PDK1: variants seen among roughly 807,000 people sequenced by gnomAD.
PDK1 encodes pyruvate dehydrogenase kinase 1.
PDK1 carries 39 observed loss-of-function variants against 54.2 expected under a neutral mutation model. The ratio of observed to expected loss-of-function variants is 0.72; its 90% CI spans 0.56 to 0.94. PDK1 has a LOEUF of 0.94. Ranked by LOEUF, PDK1 falls within the 40% of genes least tolerant of loss-of-function variation. The probability of loss-of-function intolerance (pLI) is 0.00; values close to 1 mark genes in which losing one functional copy is unlikely to be tolerated. For synonymous variants in PDK1, 221 were observed against 207.1 expected, an observed-to-expected ratio of 1.07 and a Z score of -0.58; for missense variants, 552 against 566.0, an observed-to-expected ratio of 0.98 and a Z score of 0.25.
the PDK1 span, among the ~76,000 whole-genome samples, chr2:172,692,973 A>C: frequency 6.6e-6 from 1 of 152,230 alleles, no homozygotes; most frequent in Non-Finnish European, 1.5e-5. Flanking sequence ...AAAAGCATCC[A>C]CAGTAATCAC....
chr2:172,663,967 G>T, the PDK1 span, among the ~76,000 whole-genome samples: 3 of 28,136 alleles, frequency 1.1e-4, no homozygotes, highest in African/African-American at 3.2e-4. Context: ...ACCATATGTG[G>T]CTTTTTTTTT....
chr2:172,581,903 C>CT (rs896998104), intron 8 of PDK1, among the ~76,000 whole-genome samples: 7 of 151,802 alleles, frequency 4.6e-5, no homozygotes, highest in South Asian at 2.1e-4. Context: ...AGCCACATGT[C>CT]TTTTTTTTGT....
upstream of PDK1, chr2:172,555,981 C>A: frequency 2.3e-6 from 1 of 439,446 alleles, no homozygotes; most frequent in Non-Finnish European, 3.8e-6. Flanking sequence ...CCTTCCCGCT[C>A]CGCGTCCCGC....
chr2:172,589,695 C>G (rs1160985531), intron 9 of PDK1, among the ~76,000 whole-genome samples: 1 of 152,162 alleles, frequency 6.6e-6, no homozygotes, highest in Non-Finnish European at 1.5e-5. Flanking sequence ...TTAGGTAAAG[C>G]TGGAGCCTGG....
chr2:172,665,462 T>G, the PDK1 span, among the ~76,000 whole-genome samples: 1 of 152,214 alleles, frequency 6.6e-6, no homozygotes, highest in Non-Finnish European at 1.5e-5. Flanking sequence ...ATAATTATTT[T>G]GAAGTTTGGA....
the PDK1 span, among the ~76,000 whole-genome samples, chr2:172,680,160 T>G: frequency 5.9e-5 from 9 of 152,174 alleles, no homozygotes; most frequent in African/African-American, 2.2e-4. Flanking sequence ...GCATGCTCTG[T>G]CACAGTCTTT....
the PDK1 span, among the ~76,000 whole-genome samples, chr2:172,706,012 T>TC: frequency 3.3e-5 from 5 of 152,134 alleles, no homozygotes; most frequent in Non-Finnish European, 7.4e-5. Flanking sequence ...TTACCCAGTT[T>TC]CCCCCAGTGG....
chr2:172,688,830 C>A, the PDK1 span, among the ~76,000 whole-genome samples: 2 of 152,138 alleles, frequency 1.3e-5, no homozygotes, highest in Non-Finnish European at 2.9e-5. Flanking sequence ...CAGAGGCTGT[C>A]AGTCAACTAT....
intron 2 of PDK1, among the ~76,000 whole-genome samples, chr2:172,561,445 C>G (rs1688650407): frequency 6.6e-6 from 1 of 152,184 alleles, no homozygotes; most frequent in Non-Finnish European, 1.5e-5. Context: ...CTCCTAGATG[C>G]CTGCTAAGTT....
rs554006259 is a variant in PDK1, at chr2:172,593,916, TG to T, written c.1170+869del. On this transcript the variant is annotated intron_variant, in intron 10 of 10. Transcript: ENST00000282077. Reference sequence around the variant, plus strand: ...TAGATGGCATCTATTTTATAGGAAATGTTGAAGAATTTATATTGGAAAAAAT... The same window carrying T: ...TAGATGGCATCTATTTTATAGGAAATTTGAAGAATTTATATTGGAAAAAAT... Among the ~76,000 whole-genome samples, 1,107 of 152,274 alleles carry T rather than the reference TG, an allele frequency of 7.3e-3. 8 individuals are homozygous for T. Among genetic ancestry groups the T allele is most frequent in the Non-Finnish European group, 0.012 (810 of 68,022 alleles).
intron 8 of PDK1, among the ~76,000 whole-genome samples, chr2:172,571,978 C>G (rs1419594614): frequency 6.6e-6 from 1 of 151,452 alleles, no homozygotes; most frequent in Non-Finnish European, 1.5e-5. Context: ...ATAACAGGCA[C>G]CCGCCACCAC....
the PDK1 span, among the ~76,000 whole-genome samples, chr2:172,630,375 A>G: frequency 1.3e-5 from 2 of 152,194 alleles, no homozygotes; most frequent in Non-Finnish European, 2.9e-5. Context: ...ACAGATGGCT[A>G]TTTAAATTTA....
chr2:172,564,101 C>T, intron 3 of PDK1: 1 of 473,262 alleles, frequency 2.1e-6, no homozygotes, highest in South Asian at 1.5e-5. Flanking sequence ...ATCTTGATTC[C>T]TTGCAGAGCA....
chr2:172,707,121 A>T, the PDK1 span, among the ~76,000 whole-genome samples: 1 of 152,042 alleles, frequency 6.6e-6, no homozygotes, highest in Non-Finnish European at 1.5e-5. Flanking sequence ...ACCAGCAGGG[A>T]AGGGTAGGGA....
the PDK1 span, among the ~76,000 whole-genome samples, chr2:172,621,705 A>G: frequency 1.4e-5 from 2 of 145,926 alleles, no homozygotes; most frequent in African/African-American, 2.5e-5. Flanking sequence ...ATATGTTTAT[A>G]TATCAAACAT....
the PDK1 span, among the ~76,000 whole-genome samples, chr2:172,622,282 CAT>C: frequency 0.063 from 4,969 of 79,488 alleles, 100 homozygotes; most frequent in South Asian, 0.14. Flanking sequence ...GTTTATATCT[CAT>C]ATATTATGTG....
the PDK1 span, among the ~76,000 whole-genome samples, chr2:172,661,918 T>G: frequency 6.6e-6 from 1 of 152,242 alleles, no homozygotes; most frequent in African/African-American, 2.4e-5. Context: ...AACATGCCCA[T>G]GTAACAAACC....
the PDK1 span, among the ~76,000 whole-genome samples, chr2:172,642,511 C>T: frequency 9.9e-5 from 15 of 152,272 alleles, no homozygotes; most frequent in Non-Finnish European, 1.3e-4. Flanking sequence ...TCTGGGACCC[C>T]ACCCCAGACC....
At chr2:172,695,245 TC>T in the PDK1 span, among the ~76,000 whole-genome samples, 1 of 152,182 alleles carries the variant, frequency 6.6e-6, no homozygotes, top group Non-Finnish European at 1.5e-5. Context: ...TTGCTTAAAG[TC>T]ACAGTTTCTA....
Sources: allele counts gnomAD v4.1 joint callset (sites outside exome capture counted in the v4.1 genomes callset), GRCh38; gene constraint gnomAD v4.1.1; transcripts MANE v1.5; gene names NCBI Gene and HGNC (gene_info 2026-07-23, HGNC 2026-07-21).